LARGE1: variants seen among roughly 807,000 people sequenced by gnomAD.
LARGE1 encodes the protein LARGE xylosyl- and glucuronyltransferase 1, also known as xylosyl- and glucuronyltransferase LARGE1.
A neutral mutation model predicts 87.6 loss-of-function variants in LARGE1; 43 were observed. The observed-to-expected ratio is 0.49, with a 90% CI of 0.38 to 0.63. The LOEUF (loss-of-function observed/expected upper bound fraction) is 0.63, where lower values mean the gene tolerates loss of function less well. Among genes scored for constraint, LARGE1 ranks in the 30% least tolerant of loss-of-function variants. The pLI, the probability that LARGE1 is intolerant of heterozygous loss-of-function variation, is 0.00. For synonymous variants in LARGE1, 434 were observed against 394.6 expected (o/e 1.10, Z -1.18); for missense variants, 802 against 1,000.2 (o/e 0.80, Z 2.67).
downstream of LARGE1, among the ~76,000 whole-genome samples, chr22:33,270,612 T>C (rs1256178776): frequency 3.3e-5 from 5 of 152,156 alleles, no homozygotes; most frequent in South Asian, 2.1e-4. Context: ...CCAACTACCA[T>C]AGAAGTCTTG....
chr22:33,203,536 G>A (rs544733874), intron 11 of LARGE1, among the ~76,000 whole-genome samples: 1 of 152,152 alleles, frequency 6.6e-6, no homozygotes, highest in African/African-American at 2.4e-5. Flanking sequence ...TGGTGTGAAG[G>A]CTTCCACAGC....
intron 11 of LARGE1, among the ~76,000 whole-genome samples, chr22:33,248,363 T>G (rs897299582): frequency 3.9e-5 from 6 of 152,068 alleles, no homozygotes; most frequent in Admixed American, 2.6e-4. Context: ...AATTTTTTTG[T>G]GTATTTTTAG....
intron 11 of LARGE1, among the ~76,000 whole-genome samples, chr22:33,222,154 C>T (rs1041759246): frequency 3.3e-5 from 5 of 152,166 alleles, no homozygotes; most frequent in South Asian, 2.1e-4. Flanking sequence ...GGAATCATTT[C>T]GAACACGATA....
chr22:33,533,139 A>C (rs1280114678), intron 6 of LARGE1, among the ~76,000 whole-genome samples: 1 of 152,228 alleles, frequency 6.6e-6, no homozygotes, highest in Non-Finnish European at 1.5e-5. Context: ...AGTGACATAC[A>C]AAGGGCCAGC....
intron 4 of LARGE1, among the ~76,000 whole-genome samples, chr22:33,621,926 C>T (rs1184436821): frequency 3.3e-5 from 5 of 152,188 alleles, no homozygotes; most frequent in Non-Finnish European, 7.3e-5. Flanking sequence ...ATGTTCTGAA[C>T]TGGAGAATCC....
chr22:33,432,707 C>T (rs528124605), intron 6 of LARGE1, among the ~76,000 whole-genome samples: 1 of 152,282 alleles, frequency 6.6e-6, no homozygotes, highest in East Asian at 1.9e-4. Flanking sequence ...CATTAATTTA[C>T]TCGTTTTCTG....
At chr22:33,503,882 T>C (rs2070630889) in intron 6 of LARGE1, among the ~76,000 whole-genome samples, 1 of 152,094 alleles carries the variant, frequency 6.6e-6, no homozygotes, top group South Asian at 2.1e-4. Flanking sequence ...TAAATGTCAG[T>C]CGAACCGATG....
chr22:33,261,026 G>T (rs1927597206), intron 11 of LARGE1, among the ~76,000 whole-genome samples: 2 of 152,150 alleles, frequency 1.3e-5, no homozygotes, highest in African/African-American at 4.8e-5. Flanking sequence ...ACCATGCCTG[G>T]CATGACCCAA....
At chr22:33,470,032 G>A (rs951837615) in intron 6 of LARGE1, among the ~76,000 whole-genome samples, 10 of 151,180 alleles carry the variant, frequency 6.6e-5, no homozygotes. Context: ...TGGGACTACA[G>A]GCTCCTGCCA....
In LARGE1 at chr22:33,213,561, G is replaced by A. The variant is rs549299359; in HGVS notation, c.1731-46729C>T. On this transcript the variant is annotated intron_variant, in intron 11 of 11. Transcript: ENST00000608642. ...ACAGCCACCCCAGCTTCCAGCAACCGCCAACCTGTCAGTCAGCAGCCATCA... is the reference window on the plus strand; with the variant it reads ...ACAGCCACCCCAGCTTCCAGCAACCACCAACCTGTCAGTCAGCAGCCATCA... 2.8e-4 allele frequency among the ~76,000 whole-genome samples: 42 copies of A among 152,238 alleles called. No individual in the cohort carries two copies. The South Asian group carries it at 8.3e-3, about 30-fold the overall frequency.
At chr22:33,590,745 G>C (rs2078812654) in intron 5 of LARGE1, among the ~76,000 whole-genome samples, 1 of 152,188 alleles carries the variant, frequency 6.6e-6, no homozygotes, top group South Asian at 2.1e-4. Context: ...ACATACCACA[G>C]CTGTTTACCA....
intron 2 of LARGE1, among the ~76,000 whole-genome samples, chr22:33,698,585 G>A (rs5754646): frequency 2.6e-5 from 4 of 152,122 alleles, no homozygotes; most frequent in Non-Finnish European, 5.9e-5. Context: ...GATTATAAAC[G>A]TGAGCCACTG....
At chr22:33,703,639 T>C (rs1272135118) in intron 2 of LARGE1, among the ~76,000 whole-genome samples, 3 of 152,124 alleles carry the variant, frequency 2.0e-5, no homozygotes, top group Non-Finnish European at 4.4e-5. Context: ...GAAAGTGGTG[T>C]GATTCATTTT....
chr22:33,579,179 T>C (rs1011835539), intron 5 of LARGE1, among the ~76,000 whole-genome samples: 4 of 152,304 alleles, frequency 2.6e-5, no homozygotes, highest in Admixed American at 2.0e-4. Flanking sequence ...GGTAATTGAA[T>C]CATGGGGGCA....
rs373753613 is a variant in LARGE1, at chr22:33,565,419, G to A, written c.616-400C>T. Among the ~76,000 whole-genome samples the A allele has an allele frequency of 2.0e-5, 3 of 152,196 alleles. No homozygotes were observed. The East Asian group carries it at 5.8e-4, about 29-fold the overall frequency. The stretch of plus-strand genomic sequence containing the variant: ...GCAACCAGTATCAAATTGTTCCTAT[G>A]TACGTATATTTCTTTAAATCATATT... On this transcript the variant is annotated intron_variant, in intron 5 of 14. Transcript: ENST00000397394.
At chr22:33,164,104 C>T (rs1922138323) in exon 12 of LARGE1, 2 of 152,204 alleles carry the variant, frequency 1.3e-5, no homozygotes, top group Admixed American at 1.3e-4. Context: ...TATGACCAAA[C>T]TCAAACTTAT....
intron 6 of LARGE1, among the ~76,000 whole-genome samples, chr22:33,483,312 C>T (rs1287081023): frequency 6.6e-6 from 1 of 152,102 alleles, no homozygotes; most frequent in Admixed American, 6.5e-5. Flanking sequence ...ATTTTTACTT[C>T]CAGAGCCACT....
intron 2 of LARGE1, among the ~76,000 whole-genome samples, chr22:33,707,753 T>C (rs2082605299): frequency 6.6e-6 from 1 of 152,194 alleles, no homozygotes; most frequent in Admixed American, 6.5e-5. Context: ...CAGATGGAGC[T>C]GCCTCCCACA....
chr22:33,669,112 T>C (rs924761827), intron 2 of LARGE1, among the ~76,000 whole-genome samples: 1 of 152,212 alleles, frequency 6.6e-6, no homozygotes, highest in Non-Finnish European at 1.5e-5. Flanking sequence ...ACTGAGCCAT[T>C]ACAAAGGAGG....
Sources: allele counts gnomAD v4.1 joint callset (sites outside exome capture counted in the v4.1 genomes callset), GRCh38; gene constraint gnomAD v4.1.1; transcripts MANE v1.5; gene names NCBI Gene and HGNC (gene_info 2026-07-23, HGNC 2026-07-21).